Variants in ZNF177 observed in about 807,000 individuals in gnomAD.
ZNF177 encodes the protein zinc finger protein 177.
ZNF177 carries 17 observed loss-of-function variants against 19.4 expected under a neutral mutation model. The observed-to-expected ratio is 0.87, with a 90% CI of 0.60 to 1.31. The LOEUF (loss-of-function observed/expected upper bound fraction) is 1.31. Among genes scored for constraint, ZNF177 ranks in the 40% most tolerant of loss-of-function variants. The pLI, the probability that ZNF177 is intolerant of heterozygous loss-of-function variation, is 0.00. For missense variants in ZNF177, 633 were observed against 561.8 expected, an observed-to-expected ratio of 1.13 and a Z score of -1.28; for synonymous variants, 220 against 188.7, an observed-to-expected ratio of 1.17 and a Z score of -1.36.
At chr19:9,381,801 G>A (rs1479713600) in exon 6 of ZNF177, 1 of 1,561,290 alleles carries the variant, frequency 6.4e-7, no homozygotes, top group East Asian at 2.2e-5. Flanking sequence ...AGTGTTTGTT[G>A]CCCCTCATGC....
chr19:9,377,679 T>G (rs1368201795), intron 1 of ZNF177, among the ~76,000 whole-genome samples: 2 of 126,996 alleles, frequency 1.6e-5, no homozygotes, highest in Non-Finnish European at 3.3e-5. Context: ...CTATAAGATT[T>G]GCAGCACTAG....
At chr19:9,366,823 CAA>C (rs1035126939) in intron 2 of ZNF177, among the ~76,000 whole-genome samples, 15 of 152,262 alleles carry the variant, frequency 9.9e-5, no homozygotes, top group South Asian at 4.1e-4. Context: ...CACAAAAAAA[CAA>C]GAGAATTTCT....
In ZNF177 at chr19:9,381,039, C is replaced by T. The variant is rs564761347; in HGVS notation, c.708C>T (p.Asp236=). The change falls in exon 6 of 6, where the codon GAC becomes GAT. Residue 236 remains aspartate, a synonymous_variant. Coordinates refer to ENST00000589262, the Ensembl canonical transcript of ZNF177. ...GAGAGAAAGGTGATGAATGCAGTGA[C>T]TATGGCAAAATATCTCCCCTTAGTG... 6.9e-6 allele frequency: 11 copies of T among 1,601,730 alleles called. No individual in the cohort carries two copies. In the South Asian group the frequency reaches 1.1e-4, roughly 16 times the overall value.
chr19:9,380,059 T>A (rs756101096), exon 5 of ZNF177: 84 of 1,609,628 alleles, frequency 5.2e-5, no homozygotes, highest in Non-Finnish European at 6.7e-5. Flanking sequence ...TATTTCAGAC[T>A]GGGAAACTCA....
At chr19:9,363,830 T>G (rs2067940111) in intron 1 of ZNF177, among the ~76,000 whole-genome samples, 1 of 152,216 alleles carries the variant, frequency 6.6e-6, no homozygotes, top group Non-Finnish European at 1.5e-5. Flanking sequence ...TACGACCCAC[T>G]CCTGCCCTAC....
downstream of ZNF177, chr19:9,382,295 A>T: frequency 2.5e-6 from 1 of 398,702 alleles, no homozygotes; most frequent in East Asian, 3.6e-5. Context: ...CACTGGATAC[A>T]GCTGCTAAGG....
chr19:9,375,679 CTTTCA>C (rs1449466317), upstream of ZNF177, among the ~76,000 whole-genome samples: 1 of 151,966 alleles, frequency 6.6e-6, no homozygotes, highest in Non-Finnish European at 1.5e-5. Context: ...AATGCCTTCT[CTTTCA>C]TTTCTAGTTT....
chr19:9,366,286 CCT>C (rs1491460603), intron 2 of ZNF177, among the ~76,000 whole-genome samples: 1 of 151,944 alleles, frequency 6.6e-6, no homozygotes, highest in Non-Finnish European at 1.5e-5. Context: ...TAGCCTCATT[CCT>C]TTTTTTAATG....
exon 6 of ZNF177, chr19:9,380,735 G>A (rs965193017): frequency 3.1e-5 from 47 of 1,535,780 alleles, no homozygotes; most frequent in African/African-American, 6.8e-5. Flanking sequence ...AAGAACACTC[G>A]CTTTATTTGT....
chr19:9,380,373 T>C (rs953867986), intron 5 of ZNF177, among the ~76,000 whole-genome samples: 1 of 151,466 alleles, frequency 6.6e-6, no homozygotes, highest in African/African-American at 2.4e-5. Flanking sequence ...TATGTAAATA[T>C]GATTTTAGAG....
chr19:9,364,208 G>T (rs1041423918), intron 1 of ZNF177, among the ~76,000 whole-genome samples: 1 of 152,186 alleles, frequency 6.6e-6, no homozygotes, highest in African/African-American at 2.4e-5. Flanking sequence ...CACCAGGTCA[G>T]ATTGATTTAG....
chr19:9,379,174 G>A (rs920220046), intron 3 of ZNF177, 86 bp downstream of exon 5: 5 of 1,478,870 alleles, frequency 3.4e-6, no homozygotes, highest in African/African-American at 2.8e-5. Context: ...GGAAAGAATA[G>A]CAATACAGTG....
At chr19:9,378,118 C>G in intron 1 of ZNF177, 141 bp from the exon 4 acceptor site, 1 of 659,616 alleles carries the variant, frequency 1.5e-6, no homozygotes, top group East Asian at 3.3e-5. Flanking sequence ...TGAGGATATA[C>G]TGTGTTCTTG....
At chr19:9,381,710 C>T (rs748026012) in exon 6 of ZNF177, 6 of 1,614,064 alleles carry the variant, frequency 3.7e-6, no homozygotes, top group South Asian at 1.1e-5. Flanking sequence ...TGTGAAAAAG[C>T]CTTTAGCACA....
chr19:9,380,141 T>G lies in ZNF177; in HGVS notation c.336+2T>G. 2 of 1,603,432 alleles carry G rather than the reference T, an allele frequency of 1.2e-6. No individual in the cohort carries two copies. Among genetic ancestry groups the G allele is most frequent in the Non-Finnish European group, 1.7e-6 (2 of 1,177,614 alleles). On this transcript the variant is annotated splice_donor_variant, in intron 5 of 5. Transcript: ENST00000589262. LOFTEE classifies it high-confidence loss of function. The stretch of plus-strand genomic sequence containing the variant: ...AAAACATCCAATGGCATAAACACGG[T>G]AAGACTTACTAGGAAGTATTCCTGG...
chr19:9,382,446 C>T (rs1443958602), downstream of ZNF177: 3 of 398,466 alleles, frequency 7.5e-6, no homozygotes, highest in African/African-American at 2.1e-5. Flanking sequence ...AGGGGAGATA[C>T]AATATTATCT....
chr19:9,363,911 A>G (rs77034093), intron 1 of ZNF177, among the ~76,000 whole-genome samples: 3,210 of 152,298 alleles, frequency 0.021, 108 homozygotes, highest in African/African-American at 0.073. Flanking sequence ...CAGGTCTCAG[A>G]AAGAAAGCTT....
At chr19:9,372,911 T>C (rs1258468172), upstream of ZNF177, among the ~76,000 whole-genome samples, 3 of 152,154 alleles carry the variant, frequency 2.0e-5, no homozygotes, top group East Asian at 5.8e-4. Flanking sequence ...ATAATAAAAA[T>C]TATATATGTT....
intron 2 of ZNF177, 64 bp downstream of exon 4, chr19:9,378,408 G>T: frequency 6.2e-7 from 1 of 1,602,916 alleles, no homozygotes; most frequent in Non-Finnish European, 8.5e-7. Context: ...CACATCTCTT[G>T]CCCCTGACCT....
Sources: gnomAD v4.1 joint callset for allele counts (sites outside exome capture counted in the v4.1 genomes callset) on GRCh38, gnomAD v4.1.1 for gene constraint, MANE v1.5 for transcripts, NCBI Gene and HGNC (gene_info 2026-07-23, HGNC 2026-07-21) for gene names.